MCF2L: variants seen among roughly 807,000 people sequenced by gnomAD.
MCF2L encodes guanine nucleotide exchange factor DBS.
In MCF2L, 97 loss-of-function variants were observed where a neutral mutation model predicts 153.4. The observed-to-expected ratio is 0.63, with a 90% confidence interval of 0.54 to 0.75. The LOEUF (loss-of-function observed/expected upper bound fraction) is 0.75. Among genes scored for constraint, MCF2L ranks in the 30% least tolerant of loss-of-function variants. The probability of loss-of-function intolerance (pLI) is 0.00; values close to 1 mark genes in which losing one functional copy is unlikely to be tolerated. For synonymous variants in MCF2L, 659 were observed against 632.2 expected (o/e 1.04, Z -0.64); for missense variants, 1,347 against 1,495.2 (o/e 0.90, Z 1.64).
chr13:113,095,290 C>G (rs1174765802), intron 27 of MCF2L: 3 of 1,180,216 alleles, frequency 2.5e-6, no homozygotes, highest in Non-Finnish European at 3.2e-6. Flanking sequence ...GGACAGGTCC[C>G]GGAGGCTCTG....
intron 7 of MCF2L, 166 bp downstream of exon 7, chr13:113,065,251 A>G (rs1433482566): frequency 2.8e-6 from 2 of 720,500 alleles, no homozygotes; most frequent in Non-Finnish European, 4.6e-6. Context: ...TTTTGATGGC[A>G]ATTAGCTCGG....
Position 113,075,004 on chromosome 13 carries a change from G to C in MCF2L, c.1123G>C (p.Val375Leu). The part of the protein sequence containing the change: ...ASFEEKSGVA[V>L]ERARALSLDG... ...TCTGGGTGGCCGTCCACAGGTGGCCGTGGAGAGGGCCCGGGCCCTGTCTCT... is the reference window on the plus strand; with the variant it reads ...TCTGGGTGGCCGTCCACAGGTGGCCCTGGAGAGGGCCCGGGCCCTGTCTCT... Residue 375 changes from valine (V) to leucine (L), a missense_variant, in exon 11 of 30, where the codon GTG becomes CTG. This residue lies in a region of MCF2L where 820 missense variants were observed against 921.2 expected (regional missense o/e 0.89). Transcript: ENST00000535094. 3 of 1,598,894 alleles carry C rather than the reference G, an allele frequency of 1.9e-6. No individual in the cohort carries two copies. Among genetic ancestry groups the C allele is most frequent in the Non-Finnish European group, 2.6e-6 (3 of 1,168,880 alleles).
At chr13:113,081,091 G>A (rs1303819709) in intron 15 of MCF2L, 122 bp from the exon 16 acceptor site, 12 of 809,124 alleles carry the variant, frequency 1.5e-5, no homozygotes, top group African/African-American at 7.1e-5. Flanking sequence ...GCTTTGGGTC[G>A]CCGCCAGTCC....
At chr13:113,000,628 C>T (rs1259933139) in intron 1 of MCF2L, among the ~76,000 whole-genome samples, 1 of 152,230 alleles carries the variant, frequency 6.6e-6, no homozygotes, top group Non-Finnish European at 1.5e-5. Context: ...CTCCAGCAAG[C>T]GTTTGGACCT....
intron 2 of MCF2L, among the ~76,000 whole-genome samples, chr13:112,950,000 T>A (rs2081675658): frequency 1.4e-5 from 2 of 141,704 alleles, no homozygotes. Flanking sequence ...ATCCCAAGGA[T>A]TCTACAAAAA....
chr13:112,901,993 A>C (rs947545799), intron 1 of MCF2L, among the ~76,000 whole-genome samples: 1 of 152,246 alleles, frequency 6.6e-6, no homozygotes, highest in African/African-American at 2.4e-5. Flanking sequence ...TGTCAGAGTT[A>C]TAGAAGAAGG....
Position 112,969,391 on chromosome 13 carries a change from G to T in MCF2L, c.12G>T (p.Trp4Cys), listed in dbSNP as rs901127265. The T allele has an allele frequency of 6.5e-7, 1 of 1,550,296 alleles. No homozygotes were observed. Among genetic ancestry groups the T allele is most frequent in the African/African-American group, 1.4e-5 (1 of 73,068 alleles). Reference sequence around the variant, plus strand: ...TGTTGTGTCGGAGGATGAGGTTTTGGCTGAGGACTGAAGAGATGGCCTTGG... The same window carrying T: ...TGTTGTGTCGGAGGATGAGGTTTTGTCTGAGGACTGAAGAGATGGCCTTGG... MRF[W>C]LRTEEMALEE... Residue 4 changes from tryptophan (W) to cysteine (C), a missense_variant, in exon 1 of 30, where the codon TGG becomes TGT. Around this residue, in one of 3 missense-constraint regions of MCF2L, gnomAD observed 820 missense variants for 921.2 expected, o/e 0.89. Transcript: ENST00000535094. The surrounding 1 kb of genome is among the most constrained non-coding windows in gnomAD (Gnocchi z 4.8).
At position 113,055,385 on chromosome 13, in the gene MCF2L, CACACACACACACACACACACA is replaced by C. The variant is rs1566811525; in HGVS notation, c.370-5207_370-5187del. Among the ~76,000 whole-genome samples, 10 of 8,930 alleles carry C rather than the reference CACACACACACACACACACACA, an allele frequency of 1.1e-3. 2 individuals carry two copies. The highest frequency in any genetic ancestry group is 4.6e-3 in the African/African-American group (10 of 2,164). 5.9% of individuals were successfully genotyped at this position (8,930 alleles called of 152,430 possible). ...GAGACGTGGACCCCCCCCCCCGCCA[CACACACACACACACACACACA>C]CACACACACACACACACACACACAC... On this transcript the variant is annotated intron_variant, in intron 4 of 29. Coordinates refer to ENST00000535094, the MANE Select transcript of MCF2L (RefSeq NM_001112732.3).
intron 4 of MCF2L, among the ~76,000 whole-genome samples, chr13:113,055,463 C>G (rs1341968300): frequency 7.4e-6 from 1 of 134,522 alleles, no homozygotes; most frequent in Non-Finnish European, 1.6e-5. Context: ...CATCTCTGAG[C>G]TTCAGGCTCT....
chr13:113,060,384 G>A (rs1218587603), intron 4 of MCF2L, among the ~76,000 whole-genome samples: 1 of 152,216 alleles, frequency 6.6e-6, no homozygotes, highest in African/African-American at 2.4e-5. Context: ...GCCAAGACAT[G>A]AGGCTTTTCC....
intron 1 of MCF2L, chr13:112,979,704 C>A (rs375543155): frequency 6.2e-7 from 1 of 1,612,628 alleles, no homozygotes; most frequent in Non-Finnish European, 8.5e-7. Flanking sequence ...AACCCTGCGG[C>A]GGCTGTGGTC....
At chr13:112,982,260 G>A (rs2082460455) in intron 1 of MCF2L, among the ~76,000 whole-genome samples, 1 of 152,224 alleles carries the variant, frequency 6.6e-6, no homozygotes, top group African/African-American at 2.4e-5. Context: ...TCTGAGCTGG[G>A]GCCGAAGGCA....
intron 3 of MCF2L, among the ~76,000 whole-genome samples, chr13:113,038,932 A>ACTGCAAGCGCCGCCTCC (rs2086312178): frequency 6.6e-6 from 1 of 152,152 alleles, no homozygotes; most frequent in South Asian, 2.1e-4. Flanking sequence ...ATCTCGGCTC[A>ACTGCAAGCGCCGCCTCC]CTGCAAGCGC....
chr13:112,934,651 T>C (rs1298326039), intron 2 of MCF2L, among the ~76,000 whole-genome samples: 1 of 150,664 alleles, frequency 6.6e-6, no homozygotes. Flanking sequence ...CTGCCCGTTC[T>C]CAGCCGCCCA....
At chr13:113,008,426 A>G (rs1039659884) in intron 1 of MCF2L, among the ~76,000 whole-genome samples, 1 of 152,202 alleles carries the variant, frequency 6.6e-6, no homozygotes, top group Non-Finnish European at 1.5e-5. Context: ...CAGAGCCTCC[A>G]TGTTTTTATA....
In MCF2L at chr13:113,050,847, G is replaced by C. The variant is rs905474750; in HGVS notation, c.369+5486G>C. ...TCCCGGCGGAGGTGATGCTTGGTGA[G>C]AGCCTGACGGGAGGAGGAGTTGTCC... On this transcript the variant is annotated intron_variant, in intron 4 of 29. Coordinates refer to ENST00000535094, the MANE Select transcript of MCF2L (RefSeq NM_001112732.3). Among the ~76,000 whole-genome samples, 8 of 151,746 alleles carry C rather than the reference G, an allele frequency of 5.3e-5. 1 individual carries two copies. Among genetic ancestry groups the C allele is most frequent in the Non-Finnish European group, 8.8e-5 (6 of 67,896 alleles).
intron 2 of MCF2L, among the ~76,000 whole-genome samples, chr13:112,963,870 C>T (rs1263117986): frequency 1.3e-5 from 2 of 152,232 alleles, no homozygotes; most frequent in African/African-American, 4.8e-5. Flanking sequence ...GGCAGGGCGG[C>T]TCCTCCACTG....
At chr13:113,038,378 T>C (rs2086272869) in intron 3 of MCF2L, among the ~76,000 whole-genome samples, 1 of 149,026 alleles carries the variant, frequency 6.7e-6, no homozygotes, top group Non-Finnish European at 1.5e-5. Context: ...GGCAGGAGAA[T>C]GGCCTGAACC....
intron 3 of MCF2L, among the ~76,000 whole-genome samples, chr13:113,025,848 A>T (rs1227747687): frequency 1.5e-5 from 2 of 137,266 alleles, no homozygotes; most frequent in Non-Finnish European, 3.2e-5. Flanking sequence ...AGGTTTCATC[A>T]TGGTGGGGTC....
Sources: gnomAD v4.1 joint callset for allele counts (sites outside exome capture counted in the v4.1 genomes callset) on GRCh38, gnomAD v4.1.1 for gene constraint, gnomAD v4.1.1 regional missense constraint, Gnocchi (gnomAD v3.1) non-coding constraint, MANE v1.5 for transcripts, NCBI Gene and HGNC (gene_info 2026-07-23, HGNC 2026-07-21) for gene names.